Variants in IQCJ observed in about 807,000 individuals in gnomAD.
IQCJ encodes IQ domain-containing protein J.
IQCJ carries 9 observed loss-of-function variants against 11.0 expected under a neutral mutation model. That is an observed-to-expected ratio of 0.82 (90% CI 0.49 to 1.43). The LOEUF (loss-of-function observed/expected upper bound fraction) is 1.43. IQCJ is among the 40% of genes most tolerant of loss of function. The probability of loss-of-function intolerance (pLI) is 0.00; values close to 1 mark genes in which losing one functional copy is unlikely to be tolerated. For synonymous variants in IQCJ, 55 were observed against 51.3 expected (o/e 1.07, Z -0.31); for missense variants, 146 against 133.2 (o/e 1.10, Z -0.47).
chr3:159,188,548 C>T (rs946111361), intron 1 of IQCJ, among the ~76,000 whole-genome samples: 2 of 152,196 alleles, frequency 1.3e-5, no homozygotes, highest in Non-Finnish European at 2.9e-5. Context: ...CCAATTTCCC[C>T]TATTATTAAC....
At chr3:159,222,843 G>A (rs544868361) in intron 1 of IQCJ, among the ~76,000 whole-genome samples, 3 of 151,852 alleles carry the variant, frequency 2.0e-5, no homozygotes, top group Admixed American at 6.6e-5. Flanking sequence ...TATAAACAGC[G>A]ACCTCTGTAT....
At chr3:159,138,663 G>A (rs1720431842) in intron 1 of IQCJ, among the ~76,000 whole-genome samples, 1 of 152,180 alleles carries the variant, frequency 6.6e-6, no homozygotes, top group Admixed American at 6.5e-5. Flanking sequence ...GCTCTGTGTG[G>A]TGGTTGTGTG....
chr3:159,258,073 T>C (rs956377143), intron 3 of IQCJ, among the ~76,000 whole-genome samples: 5 of 152,218 alleles, frequency 3.3e-5, no homozygotes, highest in African/African-American at 9.6e-5. Context: ...TTAAGCACAC[T>C]GAAACCCGGG....
intron 1 of IQCJ, among the ~76,000 whole-genome samples, chr3:159,071,653 T>C (rs183174573): frequency 1.1e-4 from 17 of 152,214 alleles, no homozygotes; most frequent in African/African-American, 3.8e-4. Flanking sequence ...TCAGAGCTTA[T>C]GTAGTACTGT....
chr3:159,136,078 G>C (rs566285690), intron 1 of IQCJ, among the ~76,000 whole-genome samples: 1 of 152,164 alleles, frequency 6.6e-6, no homozygotes, highest in African/African-American at 2.4e-5. Flanking sequence ...TCCAGTAAAT[G>C]GCTGGAGTGA....
At chr3:159,249,117 A>C (rs1281090790) in intron 2 of IQCJ, among the ~76,000 whole-genome samples, 1 of 152,106 alleles carries the variant, frequency 6.6e-6, no homozygotes, top group Non-Finnish European at 1.5e-5. Context: ...TGGCCTCCCA[A>C]AGTGCTGGGA....
At chr3:159,147,696 T>A (rs1720995790) in intron 1 of IQCJ, among the ~76,000 whole-genome samples, 1 of 152,248 alleles carries the variant, frequency 6.6e-6, no homozygotes, top group African/African-American at 2.4e-5. Flanking sequence ...GTTACCGAAC[T>A]TTTTTATCAA....
rs144263366 is a variant in IQCJ at position 159,101,406 on chromosome 3, T to G, written c.9+31965T>G. 1.2e-3 allele frequency among the ~76,000 whole-genome samples: 184 copies of G among 152,046 alleles called. 1 individual carries two copies. The highest frequency in any genetic ancestry group is 4.2e-3 in the African/African-American group (175 of 41,472). ...TTGGCTCCTCCCCCAAGAGGAAAAT[T>G]TAAATGGAATCAAGCATAAGGGAGC... On this transcript the variant is annotated intron_variant, in intron 1 of 3. Transcript: ENST00000397832.
At chr3:159,136,574 G>T (rs116465566) in intron 1 of IQCJ, among the ~76,000 whole-genome samples, 3,186 of 152,304 alleles carry the variant, frequency 0.021, 57 homozygotes, top group Non-Finnish European at 0.034. Flanking sequence ...CTGGAGGCTG[G>T]AAAGTCCAAG....
At chr3:159,246,944 A>G (rs1727309284) in intron 2 of IQCJ, among the ~76,000 whole-genome samples, 2 of 152,162 alleles carry the variant, frequency 1.3e-5, no homozygotes, top group South Asian at 4.1e-4. Flanking sequence ...CCCAAACAGA[A>G]TGAACTTTGT....
chr3:159,161,841 A>G (rs1349462279), intron 1 of IQCJ, among the ~76,000 whole-genome samples: 2 of 152,164 alleles, frequency 1.3e-5, no homozygotes, highest in Non-Finnish European at 2.9e-5. Flanking sequence ...AGATAGCTGT[A>G]GATATGTGGC....
At chr3:159,221,220 G>A (rs1725520794) in intron 1 of IQCJ, among the ~76,000 whole-genome samples, 1 of 152,114 alleles carries the variant, frequency 6.6e-6, no homozygotes, top group Non-Finnish European at 1.5e-5. Flanking sequence ...CTAGACAAGT[G>A]CTTAACCTCT....
intron 1 of IQCJ, among the ~76,000 whole-genome samples, chr3:159,079,684 G>A (rs1366258048): frequency 6.6e-6 from 1 of 151,948 alleles, no homozygotes; most frequent in Non-Finnish European, 1.5e-5. Context: ...CAAAATCTAG[G>A]AATATATCAT....
chr3:159,134,903 G>T (rs1326828005), intron 1 of IQCJ, among the ~76,000 whole-genome samples: 1 of 152,128 alleles, frequency 6.6e-6, no homozygotes, highest in Non-Finnish European at 1.5e-5. Flanking sequence ...CATTATGTCA[G>T]CTCAGGGTTG....
chr3:159,265,440 C>T, downstream of IQCJ: 1 of 1,507,304 alleles, frequency 6.6e-7, no homozygotes, highest in Non-Finnish European at 9.1e-7. Flanking sequence ...AGGATGATCC[C>T]TGGCCTACAC....
intron 1 of IQCJ, among the ~76,000 whole-genome samples, chr3:159,106,593 A>G (rs1230188376): frequency 6.6e-6 from 1 of 152,108 alleles, no homozygotes; most frequent in East Asian, 1.9e-4. Flanking sequence ...CTGAACACCA[A>G]ATGTTTGGGG....
At chr3:159,254,432 A>G (rs1478321046) in intron 3 of IQCJ, among the ~76,000 whole-genome samples, 1 of 152,134 alleles carries the variant, frequency 6.6e-6, no homozygotes, top group Non-Finnish European at 1.5e-5. Context: ...TGAGGTGCAA[A>G]CAGAATGGTT....
chr3:159,129,711 T>C (rs555035014), intron 1 of IQCJ, among the ~76,000 whole-genome samples: 1 of 152,292 alleles, frequency 6.6e-6, no homozygotes, highest in Admixed American at 6.5e-5. Context: ...CATTTAAAAA[T>C]TGTTTCATTT....
At chr3:159,182,682 G>A (rs1480375698) in intron 1 of IQCJ, among the ~76,000 whole-genome samples, 3 of 151,876 alleles carry the variant, frequency 2.0e-5, no homozygotes, top group African/African-American at 7.3e-5. Flanking sequence ...TAAGTAGATC[G>A]GAACAAAACA....
Sources: allele counts gnomAD v4.1 joint callset (sites outside exome capture counted in the v4.1 genomes callset), GRCh38; gene constraint gnomAD v4.1.1; transcripts MANE v1.5; gene names NCBI Gene and HGNC (gene_info 2026-07-23, HGNC 2026-07-21).